Variants in PRKD1 observed in about 807,000 individuals in gnomAD.
PRKD1 encodes protein kinase D1.
Under a neutral mutation model 95.9 loss-of-function variants are expected in PRKD1, and 63 were observed. The observed-to-expected ratio is 0.66, with a 90% CI of 0.54 to 0.81. The LOEUF (loss-of-function observed/expected upper bound fraction) is 0.81. Among genes scored for constraint, PRKD1 ranks in the 30% least tolerant of loss-of-function variants. The pLI is 0.00. For missense variants in PRKD1, 1,048 were observed against 1,165.3 expected (o/e 0.90, Z 1.47); for synonymous variants, 425 against 423.1 (o/e 1.00, Z -0.05).
At chr14:29,769,525 A>G (rs1268343430) in intron 1 of PRKD1, among the ~76,000 whole-genome samples, 1 of 152,098 alleles carries the variant, frequency 6.6e-6, no homozygotes, top group African/African-American at 2.4e-5. Context: ...ATACCACTGC[A>G]CTCCAGCCTA....
intron 1 of PRKD1, among the ~76,000 whole-genome samples, chr14:29,824,348 C>T (rs1004837487): frequency 4.6e-5 from 7 of 152,090 alleles, no homozygotes; most frequent in African/African-American, 1.4e-4. Context: ...GAGGTAAGAA[C>T]TATACTTTAT....
chr14:29,736,182 G>A (rs1886705452), intron 1 of PRKD1, among the ~76,000 whole-genome samples: 1 of 152,268 alleles, frequency 6.6e-6, no homozygotes, highest in East Asian at 1.9e-4. Context: ...CAGTTGTCAC[G>A]GTAGCAGAAG....
chr14:29,868,399 T>C (rs1892984671), intron 1 of PRKD1, among the ~76,000 whole-genome samples: 1 of 152,214 alleles, frequency 6.6e-6, no homozygotes. Context: ...TCAGTCTGAA[T>C]TGTTTTAAAA....
At chr14:29,898,738 T>C (rs1894217442) in intron 1 of PRKD1, among the ~76,000 whole-genome samples, 1 of 152,216 alleles carries the variant, frequency 6.6e-6, no homozygotes, top group Non-Finnish European at 1.5e-5. Flanking sequence ...TTGACTTCAA[T>C]CCTGTCCAAA....
intron 2 of PRKD1, among the ~76,000 whole-genome samples, chr14:29,669,609 T>C (rs995217854): frequency 6.6e-6 from 1 of 152,220 alleles, no homozygotes; most frequent in Admixed American, 6.5e-5. Flanking sequence ...GGCTCACGCC[T>C]GGGATCCCAA....
At chr14:29,924,482 T>C (rs1450629406) in intron 1 of PRKD1, among the ~76,000 whole-genome samples, 1 of 152,214 alleles carries the variant, frequency 6.6e-6, no homozygotes, top group African/African-American at 2.4e-5. Flanking sequence ...CCTGTGATGT[T>C]ACTGAAACTG....
chr14:29,865,609 C>A (rs989051648), intron 1 of PRKD1, among the ~76,000 whole-genome samples: 2 of 152,184 alleles, frequency 1.3e-5, no homozygotes, highest in South Asian at 2.1e-4. Context: ...TGATGAGGCA[C>A]AAATGCCCTC....
At chr14:29,841,417 C>G (rs2139316981) in intron 1 of PRKD1, among the ~76,000 whole-genome samples, 1 of 152,294 alleles carries the variant, frequency 6.6e-6, no homozygotes, top group African/African-American at 2.4e-5. Context: ...TCCCACAATT[C>G]CCACATGCTG....
intron 1 of PRKD1, among the ~76,000 whole-genome samples, chr14:29,872,552 T>C (rs2139380160): frequency 6.6e-6 from 1 of 151,054 alleles, no homozygotes; most frequent in African/African-American, 2.4e-5. Flanking sequence ...CTCGGGAGGC[T>C]GAGACAGACA....
intron 1 of PRKD1, among the ~76,000 whole-genome samples, chr14:29,924,536 A>G (rs1895232747): frequency 2.6e-5 from 4 of 152,224 alleles, no homozygotes; most frequent in South Asian, 2.1e-4. Context: ...GTTAGTACTT[A>G]GGGAGCTCCT....
chr14:29,612,643 G>T (rs1200077876), intron 13 of PRKD1, among the ~76,000 whole-genome samples: 1 of 152,066 alleles, frequency 6.6e-6, no homozygotes. Flanking sequence ...TATCTATTTG[G>T]AAAATTTTCT....
chr14:29,703,946 T>C (rs1026656060), intron 2 of PRKD1, among the ~76,000 whole-genome samples: 2 of 152,068 alleles, frequency 1.3e-5, no homozygotes, highest in Non-Finnish European at 2.9e-5. Flanking sequence ...AACATCAGAG[T>C]GGGCAAGCCA....
At chr14:29,591,883 C>G (rs1167626737) in intron 16 of PRKD1, among the ~76,000 whole-genome samples, 2 of 152,022 alleles carry the variant, frequency 1.3e-5, no homozygotes, top group African/African-American at 4.8e-5. Flanking sequence ...ATATCTTGAT[C>G]TATTTCTTGT....
At chr14:29,792,933 G>A (rs531156154) in intron 1 of PRKD1, among the ~76,000 whole-genome samples, 101 of 152,126 alleles carry the variant, frequency 6.6e-4, no homozygotes, top group Non-Finnish European at 1.2e-3. Context: ...GGATCAAAGG[G>A]ATGTGATCAC....
intron 1 of PRKD1, among the ~76,000 whole-genome samples, chr14:29,901,652 T>C (rs1488364070): frequency 6.6e-6 from 1 of 152,152 alleles, no homozygotes; most frequent in Non-Finnish European, 1.5e-5. Context: ...TCAACTTACA[T>C]TTGCATCTAT....
intron 2 of PRKD1, among the ~76,000 whole-genome samples, chr14:29,693,425 T>C (rs766971141): frequency 3.3e-5 from 5 of 151,818 alleles, no homozygotes; most frequent in Non-Finnish European, 5.9e-5. Flanking sequence ...TTATAACAAA[T>C]ACAAATCCCA....
rs377662982 is a variant in PRKD1, at chr14:29,617,050, A to G, written c.1905+7102T>C. Among the ~76,000 whole-genome samples, 20 of 152,224 alleles carry G rather than the reference A, an allele frequency of 1.3e-4. No homozygotes were observed. In the South Asian group the frequency reaches 4.1e-3, roughly 32 times the overall value. On this transcript the variant is annotated intron_variant, in intron 13 of 17. Coordinates refer to ENST00000331968, the MANE Select transcript of PRKD1 (RefSeq NM_002742.3). ...TTCTCACTTATAAGTGAGAACATGC[A>G]GTATTTTGTTTCCTGTTCCTGTGTT...
rs116890777 is a variant in PRKD1, at chr14:29,772,366, G to A, written c.265-46692C>T. 3.7e-3 allele frequency among the ~76,000 whole-genome samples: 570 copies of A among 152,184 alleles called. 19 individuals carry two copies. Among genetic ancestry groups the A allele is most frequent in the East Asian group, 0.037 (190 of 5,160 alleles). On this transcript the variant is annotated intron_variant, in intron 1 of 17. Transcript: ENST00000331968. ...TCCCACCAAGTGAGGATGCAGCTAG[G>A]AGACAACATCTATGAACCAGAAAGC...
At position 29,779,164 on chromosome 14, in the gene PRKD1, A is replaced by C. The variant is rs1888916145; in HGVS notation, c.265-53490T>G. Among the ~76,000 whole-genome samples, 3 of 152,180 alleles carry C rather than the reference A, an allele frequency of 2.0e-5. No individual in the cohort carries two copies. In the South Asian group the frequency reaches 6.2e-4, roughly 31 times the overall value. ...AAAATGATAAGACCTATTTATGAAAAACCCACAGGCAATATCATACTGAAT... is the reference window on the plus strand; with the variant it reads ...AAAATGATAAGACCTATTTATGAAACACCCACAGGCAATATCATACTGAAT... On this transcript the variant is annotated intron_variant, in intron 1 of 17. Transcript: ENST00000331968.
Sources: allele counts gnomAD v4.1 joint callset (sites outside exome capture counted in the v4.1 genomes callset), GRCh38; gene constraint gnomAD v4.1.1; transcripts MANE v1.5; gene names NCBI Gene and HGNC (gene_info 2026-07-23, HGNC 2026-07-21).